SPOP: variants seen among roughly 807,000 people sequenced by gnomAD.
SPOP encodes the protein speckle-type POZ protein.
SPOP carries 11 observed loss-of-function variants against 45.6 expected under a neutral mutation model. That is an observed-to-expected ratio of 0.24 (90% CI 0.15 to 0.40). The LOEUF (loss-of-function observed/expected upper bound fraction) is 0.40. Among genes scored for constraint, SPOP ranks in the 10% least tolerant of loss-of-function variants. The pLI is 1.00. For missense variants in SPOP, 152 were observed against 465.6 expected (o/e 0.33, Z 6.20); for synonymous variants, 166 against 166.3 (o/e 1.00, Z 0.01).
intron 1 of SPOP, among the ~76,000 whole-genome samples, chr17:49,645,634 C>G (rs573296209): frequency 6.6e-6 from 1 of 152,114 alleles, no homozygotes; most frequent in Admixed American, 6.6e-5. Context: ...CCACAGTAAT[C>G]TGACATATCT....
Position 49,607,302 on chromosome 17 carries a change from T to C in SPOP, c.785A>G (p.Lys262Arg), listed in dbSNP as rs2143156800. 6.2e-7 allele frequency: 1 copy of C among 1,614,124 alleles called. No homozygotes were observed. The highest frequency in any genetic ancestry group is 1.7e-5 in the Admixed American group (1 of 60,026). ...AGCCATTTTGTCGAGGTTTGGAGCC[T>C]TCCCCGTGTAAATGAAGCACATCAT... ...KEMMCFIYTG[K>R]APNLDKMADD... The change falls in exon 8 of 10, where the codon AAG (lysine) becomes AGG (arginine). Residue 262 changes from lysine (K) to arginine (R), a missense_variant. By Grantham distance (26) the Lys-to-Arg change is conservative. Around this residue, in one of 3 missense-constraint regions of SPOP, gnomAD observed 106 missense variants for 255.2 expected, o/e 0.42. Transcript: ENST00000504102.
Position 49,600,201 on chromosome 17 carries a change from C to A in SPOP, c.*177G>T. The A allele has an allele frequency of 3.7e-6, 3 of 808,310 alleles. No homozygotes were observed. The South Asian group carries it at 5.1e-5, about 14-fold the overall frequency. The allele number at this position is 808,310 out of a possible 1,614,324, so 50.1% of individuals were successfully genotyped here. On this transcript the variant is annotated 3_prime_UTR_variant, in exon 10 of 10. Coordinates refer to ENST00000504102, the MANE Select transcript of SPOP (RefSeq NM_001007228.2). The surrounding 1 kb of genome is among the most constrained non-coding windows in gnomAD (Gnocchi z 4.2). ...CAGGGTTTTCATTTCATTTTCCCTC[C>A]CCCCGTTTCCCCCAAGTTATTTAGT...
rs1039066718 is a variant in SPOP, at chr17:49,600,107, C to T, written c.*271G>A. ...GTACCACCGCTGGGATATCCTCGGG[C>T]CAGCGCCTAAACTGAATCCCCACAG... On this transcript the variant is annotated 3_prime_UTR_variant, in exon 10 of 10. Coordinates refer to ENST00000504102, the MANE Select transcript of SPOP (RefSeq NM_001007228.2). The surrounding 1 kb of genome is among the most constrained non-coding windows in gnomAD (Gnocchi z 4.2). 2.7e-5 allele frequency: 12 copies of T among 449,718 alleles called. No homozygotes were observed. The highest frequency in any genetic ancestry group is 1.7e-4 in the East Asian group (5 of 28,812). 27.9% of individuals were successfully genotyped at this position (449,718 alleles called of 1,614,324 possible).
intron 3 of SPOP, among the ~76,000 whole-genome samples, chr17:49,620,336 T>A (rs768121253): frequency 1.3e-5 from 2 of 150,892 alleles, no homozygotes; most frequent in Non-Finnish European, 3.0e-5. Context: ...GGCGTGCTAG[T>A]GGGCACCTGT....
chr17:49,647,202 G>T (rs2072772458), intron 1 of SPOP, among the ~76,000 whole-genome samples: 2 of 151,422 alleles, frequency 1.3e-5, no homozygotes, highest in Admixed American at 1.3e-4. Context: ...AGGCTGAGCG[G>T]GAGGCTGAGG....
chr17:49,649,225 G>C (rs919999903), intron 1 of SPOP, among the ~76,000 whole-genome samples: 2 of 151,972 alleles, frequency 1.3e-5, no homozygotes, highest in African/African-American at 4.8e-5. Context: ...ACTAGTTTTT[G>C]TTCTCTTTAA....
At position 49,600,005 on chromosome 17, in the gene SPOP, C is replaced by CTT; in HGVS notation, c.*371_*372dup. 26 of 217,622 alleles carry CTT rather than the reference C, an allele frequency of 1.2e-4. No homozygotes were observed. The highest frequency in any genetic ancestry group is 2.2e-4 in the East Asian group (3 of 13,832). The allele number at this position is 217,622 out of a possible 1,614,324, so 13.5% of individuals were successfully genotyped here. A position where few individuals can be genotyped will look rare whatever the true frequency, so the allele number is the denominator to read the frequency against. The stretch of plus-strand genomic sequence containing the variant: ...CTTCTGTTAAAACTCAATGTCCTTT[C>CTT]TTTTTTTTTTTTCCTTTTTGCTCCA... On this transcript the variant is annotated 3_prime_UTR_variant, in exon 10 of 10. Transcript: ENST00000504102. The surrounding 1 kb of genome is among the most constrained non-coding windows in gnomAD (Gnocchi z 4.2).
At chr17:49,618,855 A>G in intron 5 of SPOP, 126 bp downstream of exon 5, 1 of 1,161,914 alleles carries the variant, frequency 8.6e-7, no homozygotes, top group Non-Finnish European at 1.2e-6. Context: ...CACATAAATA[A>G]CATTTGTGCA....
At chr17:49,645,472 TTTTTG>T (rs2072739317) in intron 1 of SPOP, among the ~76,000 whole-genome samples, 2 of 152,078 alleles carry the variant, frequency 1.3e-5, no homozygotes, top group African/African-American at 2.4e-5. Context: ...ACTAATTTTT[TTTTTG>T]TTTTTAGTAG....
intron 1 of SPOP, among the ~76,000 whole-genome samples, chr17:49,663,434 C>T (rs1305698661): frequency 6.6e-6 from 1 of 152,222 alleles, no homozygotes; most frequent in Non-Finnish European, 1.5e-5. Flanking sequence ...TACTCATCAG[C>T]ATAAGTAATG....
intron 1 of SPOP, among the ~76,000 whole-genome samples, chr17:49,625,397 T>C (rs1011177465): frequency 2.6e-5 from 4 of 152,050 alleles, no homozygotes. Flanking sequence ...TTACCTGGGG[T>C]TGGGAGTTCG....
chr17:49,655,059 C>G (rs755845386), intron 1 of SPOP, among the ~76,000 whole-genome samples: 2 of 152,016 alleles, frequency 1.3e-5, no homozygotes, highest in African/African-American at 4.8e-5. Flanking sequence ...GAATGTAACA[C>G]TAGGAAGGAG....
At chr17:49,607,463 G>C (rs1259529505) in intron 7 of SPOP, 91 bp from the exon 8 acceptor site, 31 of 1,473,928 alleles carry the variant, frequency 2.1e-5, no homozygotes, top group Non-Finnish European at 2.6e-5. Flanking sequence ...CTAGTGAGGA[G>C]AGAACTTTGT....
intron 1 of SPOP, among the ~76,000 whole-genome samples, chr17:49,624,868 A>G (rs1399180878): frequency 6.6e-6 from 1 of 152,042 alleles, no homozygotes; most frequent in Admixed American, 6.6e-5. Context: ...AGCTTGTAAC[A>G]CATGACAAAG....
At chr17:49,657,687 G>A (rs919170986) in intron 1 of SPOP, among the ~76,000 whole-genome samples, 3 of 115,738 alleles carry the variant, frequency 2.6e-5, no homozygotes, top group East Asian at 5.3e-4. Flanking sequence ...ATGAGCCACC[G>A]CACCCGGCCT....
At position 49,600,635 on chromosome 17, in the gene SPOP, G is replaced by C. The variant is rs376001885; in HGVS notation, c.981-113C>G. The C allele has an allele frequency of 8.7e-7, 1 of 1,144,964 alleles. No homozygotes were observed. 70.9% of individuals were successfully genotyped at this position (1,144,964 alleles called of 1,614,324 possible). A position where few individuals can be genotyped will look rare whatever the true frequency, so the allele number is the denominator to read the frequency against. The stretch of plus-strand genomic sequence containing the variant: ...TTAGGTATAAAGGGTGTCAATGCAA[G>C]AAACAGAAGAACCCTTAATATGCAT... On this transcript the variant is annotated intron_variant, in intron 9 of 9. Coordinates refer to ENST00000504102, the MANE Select transcript of SPOP (RefSeq NM_001007228.2). This position sits in a 1 kb window ranked among gnomAD's most constrained non-coding sequence, Gnocchi z 4.2.
chr17:49,642,116 A>G (rs1288836861), intron 1 of SPOP, among the ~76,000 whole-genome samples: 3 of 152,174 alleles, frequency 2.0e-5, no homozygotes, highest in Non-Finnish European at 4.4e-5. Flanking sequence ...GGTGCGGTGC[A>G]AATCAGCATA....
At chr17:49,657,174 C>A (rs897398934) in intron 1 of SPOP, among the ~76,000 whole-genome samples, 1 of 149,374 alleles carries the variant, frequency 6.7e-6, no homozygotes, top group Non-Finnish European at 1.5e-5. Context: ...CCAGCCTGGG[C>A]GACAGAGCAA....
At chr17:49,671,140 C>A (rs536770742) in intron 1 of SPOP, among the ~76,000 whole-genome samples, 2 of 152,120 alleles carry the variant, frequency 1.3e-5, no homozygotes, top group South Asian at 4.2e-4. Context: ...ATATTCAAGA[C>A]AAGGAAGCTG....
Sources: allele counts gnomAD v4.1 joint callset (sites outside exome capture counted in the v4.1 genomes callset), GRCh38; gene constraint gnomAD v4.1.1; regional missense constraint gnomAD v4.1.1; non-coding constraint Gnocchi (gnomAD v3.1); transcripts MANE v1.5; gene names NCBI Gene and HGNC (gene_info 2026-07-23, HGNC 2026-07-21).